Variants in ASAP1 observed in about 807,000 individuals in gnomAD.
ASAP1 encodes arf-GAP with SH3 domain, ANK repeat and PH domain-containing protein 1.
Under a neutral mutation model 145.2 loss-of-function variants are expected in ASAP1, and 43 were observed. That is an observed-to-expected ratio of 0.30 (90% CI 0.23 to 0.38). The LOEUF is 0.38. Among genes scored for constraint, ASAP1 ranks in the 10% least tolerant of loss-of-function variants. The probability of loss-of-function intolerance (pLI) is 1.00; values close to 1 mark genes in which losing one functional copy is unlikely to be tolerated. For synonymous variants in ASAP1, 546 were observed against 515.5 expected, an observed-to-expected ratio of 1.06 and a Z score of -0.80; for missense variants, 1,018 against 1,355.3, an observed-to-expected ratio of 0.75 and a Z score of 3.91.
At chr8:130,403,880 A>T (rs1409094977) in intron 1 of ASAP1, among the ~76,000 whole-genome samples, 1 of 152,056 alleles carries the variant, frequency 6.6e-6, no homozygotes, top group Non-Finnish European at 1.5e-5. Flanking sequence ...AGATCCTGGA[A>T]CATGCTGCAG....
At chr8:130,421,666 A>T (rs1458894472) in intron 1 of ASAP1, among the ~76,000 whole-genome samples, 1 of 152,224 alleles carries the variant, frequency 6.6e-6, no homozygotes, top group Non-Finnish European at 1.5e-5. Context: ...TCTATGAGCC[A>T]CCACATGGAT....
chr8:130,352,212 GTTTTT>G (rs11420981), intron 3 of ASAP1, among the ~76,000 whole-genome samples: 1 of 139,686 alleles, frequency 7.2e-6, no homozygotes. Flanking sequence ...CTTCCTAAGG[GTTTTT>G]TTTTTTTTTT....
At chr8:130,245,009 A>G (rs1230726713) in intron 3 of ASAP1, among the ~76,000 whole-genome samples, 1 of 152,154 alleles carries the variant, frequency 6.6e-6, no homozygotes, top group Non-Finnish European at 1.5e-5. Flanking sequence ...CCTGTGTAAC[A>G]ACACCCACAG....
chr8:130,060,127 C>T (rs2097415445), intron 28 of ASAP1, among the ~76,000 whole-genome samples: 1 of 147,674 alleles, frequency 6.8e-6, no homozygotes, highest in Non-Finnish European at 1.5e-5. Context: ...AGAAAATACC[C>T]AGAACCCCGA....
intron 3 of ASAP1, among the ~76,000 whole-genome samples, chr8:130,336,945 G>A (rs886721644): frequency 6.6e-6 from 1 of 152,180 alleles, no homozygotes; most frequent in African/African-American, 2.4e-5. Context: ...GGCAAAAAAT[G>A]TCTTGACCTT....
chr8:130,296,306 T>C (rs1280043480), intron 3 of ASAP1, among the ~76,000 whole-genome samples: 1 of 152,228 alleles, frequency 6.6e-6, no homozygotes, highest in Non-Finnish European at 1.5e-5. Context: ...GGTGCTTCTC[T>C]GTATGAAGGA....
At chr8:130,165,415 C>T (rs2097678008) in intron 11 of ASAP1, among the ~76,000 whole-genome samples, 1 of 152,194 alleles carries the variant, frequency 6.6e-6, no homozygotes. Context: ...CTCCCTTCTA[C>T]CTGGGTCTTT....
chr8:130,134,162 C>A, intron 15 of ASAP1, 134 bp downstream of exon 15: 1 of 585,396 alleles, frequency 1.7e-6, no homozygotes, highest in Non-Finnish European at 2.9e-6. Flanking sequence ...CATGTGATGG[C>A]CCACAGGCGG....
intron 14 of ASAP1, among the ~76,000 whole-genome samples, chr8:130,136,225 G>GC (rs2097594388): frequency 6.6e-6 from 1 of 152,158 alleles, no homozygotes; most frequent in African/African-American, 2.4e-5. Context: ...CAGGTAGCCA[G>GC]CCTAAAGGAA....
chr8:130,380,603 A>G (rs1446118371), intron 2 of ASAP1, among the ~76,000 whole-genome samples: 1 of 152,176 alleles, frequency 6.6e-6, no homozygotes, highest in African/African-American at 2.4e-5. Flanking sequence ...ATGAAGGTAA[A>G]AGCAATGGCT....
chr8:130,417,345 A>C (rs1333752864), intron 1 of ASAP1, among the ~76,000 whole-genome samples: 2 of 152,216 alleles, frequency 1.3e-5, no homozygotes, highest in African/African-American at 4.8e-5. Context: ...GGGCCCATGG[A>C]AAGGATGCTG....
chr8:130,167,542 C>G lies in ASAP1; in HGVS notation c.903G>C (p.Gln301His), dbSNP rs1385863686. The G allele has an allele frequency of 1.2e-6, 2 of 1,613,310 alleles. No homozygotes were observed. The highest frequency in any genetic ancestry group is 2.2e-5 in the South Asian group (2 of 91,050). Residue 301 changes from glutamine to histidine, a missense_variant, in exon 11 of 30, where the codon CAG (glutamine) becomes CAC (histidine). Physicochemically the swap from Gln to His is conservative, Grantham distance 24. Transcript: ENST00000518721. ...AAACATGTAAACCACTTACTTCTTT[C>G]TGATCCAGTTGAAGAGAGGATTTTA... ...DLIKSSLQLD[Q>H]KEDSQSRQGG...
At chr8:130,337,639 T>C (rs531557252) in intron 3 of ASAP1, among the ~76,000 whole-genome samples, 9 of 152,316 alleles carry the variant, frequency 5.9e-5, no homozygotes, top group Admixed American at 2.0e-4. Context: ...CCCATGAAAA[T>C]TGAAGTACTA....
chr8:130,347,794 T>C (rs1825783572), intron 3 of ASAP1, among the ~76,000 whole-genome samples: 1 of 152,082 alleles, frequency 6.6e-6, no homozygotes, highest in Non-Finnish European at 1.5e-5. Flanking sequence ...TGGGAATAAT[T>C]TGGTGCGAGC....
intron 4 of ASAP1, among the ~76,000 whole-genome samples, chr8:130,230,827 T>C (rs2136608068): frequency 2.0e-5 from 3 of 152,338 alleles, no homozygotes; most frequent in East Asian, 3.9e-4. Flanking sequence ...CCTTGTGACA[T>C]TTTATTCTAA....
chr8:130,314,345 T>G (rs1823540268), intron 3 of ASAP1, among the ~76,000 whole-genome samples: 1 of 152,224 alleles, frequency 6.6e-6, no homozygotes, highest in African/African-American at 2.4e-5. Flanking sequence ...CCAGCTGTAT[T>G]GCTAGGCATG....
chr8:130,253,388 T>A (rs1819321949), intron 3 of ASAP1, among the ~76,000 whole-genome samples: 1 of 152,210 alleles, frequency 6.6e-6, no homozygotes, highest in Non-Finnish European at 1.5e-5. Context: ...TCAATAAATG[T>A]TAGCTAGAAT....
rs183009066 is a variant in ASAP1, at chr8:130,341,468, G to A, written c.186+16549C>T. On this transcript the variant is annotated intron_variant, in intron 3 of 29. Coordinates refer to ENST00000518721, the MANE Select transcript of ASAP1 (RefSeq NM_018482.4). ...GTATAAACCTCGGTTCTTTCCCTTC[G>A]GCAGTAAAACCTGGGACAGAAAACT... Among the ~76,000 whole-genome samples, 30 of 152,240 alleles carry A rather than the reference G, an allele frequency of 2.0e-4. 1 individual carries two copies. The highest frequency in any genetic ancestry group is 9.6e-4 in the East Asian group (5 of 5,186).
At chr8:130,319,646 A>C (rs1823880336) in intron 3 of ASAP1, among the ~76,000 whole-genome samples, 1 of 152,346 alleles carries the variant, frequency 6.6e-6, no homozygotes, top group South Asian at 2.1e-4. Flanking sequence ...AGACCCAGCA[A>C]CTCTACTTAC....
Sources: gnomAD v4.1 joint callset for allele counts (sites outside exome capture counted in the v4.1 genomes callset) on GRCh38, gnomAD v4.1.1 for gene constraint, MANE v1.5 for transcripts, NCBI Gene and HGNC (gene_info 2026-07-23, HGNC 2026-07-21) for gene names.